PPP2R2B: variants seen among roughly 807,000 people sequenced by gnomAD.
The protein encoded by PPP2R2B is serine/threonine-protein phosphatase 2A 55 kDa regulatory subunit B beta isoform.
Under a neutral mutation model 46.0 loss-of-function variants are expected in PPP2R2B, and 5 were observed. The observed-to-expected ratio is 0.11, with a 90% CI of 0.06 to 0.23. PPP2R2B has a LOEUF of 0.23. PPP2R2B is among the 10% of genes least tolerant of loss of function. The pLI is 1.00. For missense variants in PPP2R2B, 367 were observed against 575.0 expected (o/e 0.64, Z 3.70); for synonymous variants, 215 against 206.7 (o/e 1.04, Z -0.34).
intron 4 of PPP2R2B, among the ~76,000 whole-genome samples, chr5:146,696,492 C>G (rs1779191674): frequency 6.6e-6 from 1 of 152,142 alleles, no homozygotes; most frequent in African/African-American, 2.4e-5. Context: ...GACATTTTTC[C>G]TCTGCCTAAA....
At chr5:146,998,048 T>C (rs534076209) in intron 1 of PPP2R2B, among the ~76,000 whole-genome samples, 11 of 152,282 alleles carry the variant, frequency 7.2e-5, no homozygotes, top group South Asian at 4.1e-4. Flanking sequence ...TTCTCACAAG[T>C]GTGCAGAGGG....
intron 1 of PPP2R2B, among the ~76,000 whole-genome samples, chr5:147,016,117 C>A (rs951001129): frequency 1.3e-5 from 2 of 151,538 alleles, no homozygotes; most frequent in African/African-American, 4.8e-5. Flanking sequence ...AGGTACATTG[C>A]TTGGTCCCAG....
intron 2 of PPP2R2B, among the ~76,000 whole-genome samples, chr5:146,829,631 A>G (rs995090179): frequency 2.6e-5 from 4 of 152,206 alleles, no homozygotes; most frequent in African/African-American, 7.2e-5. Flanking sequence ...TAGAGACACC[A>G]TATAAAGAGT....
intron 2 of PPP2R2B, among the ~76,000 whole-genome samples, chr5:146,848,506 T>C (rs1760144113): frequency 6.6e-6 from 1 of 152,162 alleles, no homozygotes; most frequent in South Asian, 2.1e-4. Context: ...AGCAGTAAGG[T>C]ATACTGTAGG....
chr5:146,804,530 T>C (rs964793681), intron 2 of PPP2R2B, among the ~76,000 whole-genome samples: 4 of 152,142 alleles, frequency 2.6e-5, no homozygotes, highest in Admixed American at 2.6e-4. Context: ...CATAAACACC[T>C]TGAGAGCCAG....
chr5:146,986,577 T>TA (rs1554082544), intron 1 of PPP2R2B, among the ~76,000 whole-genome samples: 1 of 151,876 alleles, frequency 6.6e-6, no homozygotes, highest in Non-Finnish European at 1.5e-5. Context: ...GAAGTATTAA[T>TA]AAAAAAACAG....
At chr5:146,798,276 CCT>C (rs1756663100) in intron 2 of PPP2R2B, among the ~76,000 whole-genome samples, 1 of 152,140 alleles carries the variant, frequency 6.6e-6, no homozygotes, top group African/African-American at 2.4e-5. Flanking sequence ...CCTCTTCTCT[CCT>C]CTCACGTATC....
At chr5:146,950,679 C>G (rs1036203) in intron 1 of PPP2R2B, among the ~76,000 whole-genome samples, 22,868 of 151,924 alleles carry the variant, frequency 0.15, 2,204 homozygotes, top group East Asian at 0.39. Flanking sequence ...TAGAAAGACT[C>G]TAAGTGCTGG....
chr5:146,691,435 C>T (rs566315596), intron 4 of PPP2R2B, among the ~76,000 whole-genome samples, 195 bp from the exon 5 acceptor site: 6 of 152,266 alleles, frequency 3.9e-5, no homozygotes, highest in African/African-American at 7.2e-5. Context: ...CAAAAACATA[C>T]ATTATGCTGG....
intron 1 of PPP2R2B, among the ~76,000 whole-genome samples, chr5:147,022,956 G>A (rs751614797): frequency 4.5e-4 from 69 of 152,080 alleles, no homozygotes; most frequent in Non-Finnish European, 8.1e-4. Context: ...GATTTTAGAT[G>A]TGAATTCATA....
At chr5:146,817,486 G>T (rs1757999069) in intron 2 of PPP2R2B, among the ~76,000 whole-genome samples, 1 of 152,140 alleles carries the variant, frequency 6.6e-6, no homozygotes, top group Non-Finnish European at 1.5e-5. Context: ...TGTGCATTGT[G>T]AAATGGTAAA....
At chr5:147,024,316 A>G (rs1421782698) in intron 1 of PPP2R2B, among the ~76,000 whole-genome samples, 2 of 152,316 alleles carry the variant, frequency 1.3e-5, no homozygotes, top group African/African-American at 4.8e-5. Context: ...AGCTTCAAAA[A>G]TGTAAATAAA....
rs545656515 is a variant in PPP2R2B, at chr5:147,048,937, A to G, written c.79+6728T>C. On this transcript the variant is annotated intron_variant, in intron 1 of 8. Transcript: ENST00000336640. ...AAGCCTTTGCTTTCATGTCACTTAT[A>G]TTCTATAGTGGGAAAGGACAGGCAA... is the stretch of plus-strand genomic sequence containing the variant. 9.2e-5 allele frequency among the ~76,000 whole-genome samples: 14 copies of G among 152,286 alleles called. No homozygotes were observed. In the South Asian group the frequency reaches 2.9e-3, roughly 32 times the overall value.
chr5:146,951,360 A>ATTT (rs1561537400), intron 1 of PPP2R2B, among the ~76,000 whole-genome samples: 2 of 148,696 alleles, frequency 1.3e-5, no homozygotes, highest in African/African-American at 5.0e-5. Context: ...TTTTTTTTTA[A>ATTT]AAATTAAGTT....
intron 1 of PPP2R2B, among the ~76,000 whole-genome samples, chr5:147,001,543 T>G (rs753587352): frequency 6.6e-6 from 1 of 152,136 alleles, no homozygotes; most frequent in Admixed American, 6.5e-5. Context: ...ACACACCATC[T>G]TTAAGAACTG....
chr5:146,701,935 CAG>C (rs1419753708), intron 2 of PPP2R2B, among the ~76,000 whole-genome samples: 1 of 151,796 alleles, frequency 6.6e-6, no homozygotes, highest in Non-Finnish European at 1.5e-5. Flanking sequence ...GGAACATGGA[CAG>C]GTAAATTACC....
At chr5:146,867,115 A>G (rs900685543) in intron 2 of PPP2R2B, among the ~76,000 whole-genome samples, 2 of 152,260 alleles carry the variant, frequency 1.3e-5, no homozygotes, top group African/African-American at 4.8e-5. Flanking sequence ...TCATATGAAA[A>G]GTCAGTTGAA....
At chr5:146,662,324 T>C (rs190775280) in intron 5 of PPP2R2B, among the ~76,000 whole-genome samples, 1 of 152,308 alleles carries the variant, frequency 6.6e-6, no homozygotes, top group East Asian at 1.9e-4. Context: ...AGAATGTCAG[T>C]TCTGCCTCCC....
chr5:146,694,397 A>G (rs1448091702), intron 4 of PPP2R2B, among the ~76,000 whole-genome samples: 1 of 152,186 alleles, frequency 6.6e-6, no homozygotes, highest in East Asian at 1.9e-4. Context: ...AACATCCCCA[A>G]AATTTTAATA....
Sources: gnomAD v4.1 joint callset for allele counts (sites outside exome capture counted in the v4.1 genomes callset) on GRCh38, gnomAD v4.1.1 for gene constraint, MANE v1.5 for transcripts, NCBI Gene and HGNC (gene_info 2026-07-23, HGNC 2026-07-21) for gene names.